The following ARHGEF4 variants were observed in gnomAD, a reference collection of about 807,000 sequenced individuals.
The protein encoded by ARHGEF4 is APC-stimulated guanine nucleotide exchange factor 1.
A neutral mutation model predicts 162.0 loss-of-function variants in ARHGEF4; 119 were observed. The observed-to-expected ratio is 0.73, with a 90% CI of 0.63 to 0.86. ARHGEF4 has a LOEUF of 0.86. Ranked by LOEUF, ARHGEF4 falls within the 40% of genes least tolerant of loss-of-function variation. The pLI is 0.00. For synonymous variants in ARHGEF4, 1,014 were observed against 979.9 expected (o/e 1.03, Z -0.65); for missense variants, 2,488 against 2,456.0 (o/e 1.01, Z -0.28).
chr2:130,920,550 C>T (rs555442280), intron 2 of ARHGEF4, among the ~76,000 whole-genome samples: 1 of 152,146 alleles, frequency 6.6e-6, no homozygotes, highest in South Asian at 2.1e-4. Flanking sequence ...CAGAAAGGTT[C>T]CCTCTGTCTG....
intron 4 of ARHGEF4, among the ~76,000 whole-genome samples, chr2:130,951,361 A>AT (rs1683947305): frequency 6.6e-6 from 1 of 152,174 alleles, no homozygotes; most frequent in African/African-American, 2.4e-5. Flanking sequence ...AAAGTTAGAG[A>AT]TATGTGACTC....
chr2:130,869,233 G>A (rs1229812328), intron 1 of ARHGEF4, among the ~76,000 whole-genome samples: 2 of 152,190 alleles, frequency 1.3e-5, no homozygotes, highest in African/African-American at 4.8e-5. Context: ...GTGGAGGCCT[G>A]CAGAGTGGTT....
At chr2:130,904,948 A>G (rs890230445) in intron 1 of ARHGEF4, among the ~76,000 whole-genome samples, 2 of 152,130 alleles carry the variant, frequency 1.3e-5, no homozygotes, top group Non-Finnish European at 2.9e-5. Flanking sequence ...GCGTGGTGGC[A>G]CTTGCCTGTA....
At chr2:130,877,159 T>A (rs1261704916) in intron 1 of ARHGEF4, among the ~76,000 whole-genome samples, 1 of 151,920 alleles carries the variant, frequency 6.6e-6, no homozygotes, top group Non-Finnish European at 1.5e-5. Context: ...GCTCCCAGGG[T>A]AAGGGGGACG....
chr2:130,901,598 G>T (rs1280580300), intron 1 of ARHGEF4, among the ~76,000 whole-genome samples: 3 of 151,384 alleles, frequency 2.0e-5, no homozygotes, highest in African/African-American at 7.3e-5. Context: ...TCAGCTCACT[G>T]CAACCTCTGC....
intron 1 of ARHGEF4, among the ~76,000 whole-genome samples, chr2:130,899,742 G>C (rs572305235): frequency 2.0e-5 from 3 of 152,282 alleles, no homozygotes; most frequent in African/African-American, 7.2e-5. Flanking sequence ...AGAAGCAGCA[G>C]TGGGACAGAG....
At chr2:130,960,036 T>C (rs1309732212) in intron 4 of ARHGEF4, among the ~76,000 whole-genome samples, 9 of 152,210 alleles carry the variant, frequency 5.9e-5, no homozygotes, top group Admixed American at 2.6e-4. Context: ...AATTCATACA[T>C]ACATAATCAC....
chr2:130,893,944 G>A (rs1421753553), intron 1 of ARHGEF4, among the ~76,000 whole-genome samples: 1 of 152,242 alleles, frequency 6.6e-6, no homozygotes, highest in Non-Finnish European at 1.5e-5. Context: ...TTGGAGTTGA[G>A]ATTGTCCTAT....
At position 131,040,168 on chromosome 2, in the gene ARHGEF4, C is replaced by T; in HGVS notation, c.4458C>T (p.Ile1486=). The T allele has an allele frequency of 6.2e-7, 1 of 1,611,624 alleles. No individual in the cohort carries two copies. The highest frequency in any genetic ancestry group is 8.5e-7 in the Non-Finnish European group (1 of 1,178,496). ...NEILSTERDY[I]KHLRDICEGY... ...TCCTCAGCACTGAGCGGGACTACAT[C>T]AAGCACCTGCGCGACATCTGCGAGG... The change falls in exon 7 of 14, where the codon ATC becomes ATT. Residue 1486 remains isoleucine, a synonymous_variant. Coordinates refer to ENST00000409359, the MANE Select transcript of ARHGEF4 (RefSeq NM_001367493.1).
intron 4 of ARHGEF4, among the ~76,000 whole-genome samples, chr2:130,974,601 C>G (rs1417569033): frequency 7.0e-6 from 1 of 143,428 alleles, no homozygotes; most frequent in Non-Finnish European, 1.5e-5. Context: ...TAGGCACACG[C>G]CACCACACCC....
chr2:131,040,901 G>C (rs1296494668), intron 8 of ARHGEF4, among the ~76,000 whole-genome samples: 2 of 151,988 alleles, frequency 1.3e-5, no homozygotes, highest in South Asian at 2.1e-4. Context: ...TTGGGCAGTC[G>C]AGCGAGGGTG....
intron 4 of ARHGEF4, among the ~76,000 whole-genome samples, chr2:131,019,034 G>GC (rs925771564): frequency 3.3e-5 from 5 of 151,902 alleles, no homozygotes; most frequent in Non-Finnish European, 5.9e-5. Context: ...CTCCAACTTT[G>GC]TTTTTTTCAA....
At chr2:130,953,848 A>G (rs528564565) in intron 4 of ARHGEF4, among the ~76,000 whole-genome samples, 53 of 152,364 alleles carry the variant, frequency 3.5e-4, no homozygotes, top group Middle Eastern at 3.4e-3. Context: ...CAAAACCACA[A>G]TGAGATACCA....
chr2:131,027,926 C>T lies in ARHGEF4; in HGVS notation c.3986-19C>T. 1 of 1,613,198 alleles carries T rather than the reference C, an allele frequency of 6.2e-7. No homozygotes were observed. The highest frequency in any genetic ancestry group is 8.5e-7 in the Non-Finnish European group (1 of 1,179,810). On this transcript the variant is annotated intron_variant, in intron 4 of 13. Transcript: ENST00000409359. ...TCCCAGCCCAGCCCCCTTTGCCCAG[C>T]TGCTGTCTCTCCTTCCAGCCATGCC...
intron 1 of ARHGEF4, among the ~76,000 whole-genome samples, chr2:130,881,675 G>A (rs1016249378): frequency 1.3e-5 from 2 of 152,094 alleles, no homozygotes. Flanking sequence ...AATGCTTCGG[G>A]AGATGTAAGG....
In ARHGEF4 at chr2:130,915,140, C is replaced by T. The variant is rs1049041242; in HGVS notation, c.1194C>T (p.Pro398=). The T allele has an allele frequency of 2.6e-6, 4 of 1,550,542 alleles. No individual in the cohort carries two copies. The highest frequency in any genetic ancestry group is 3.5e-6 in the Non-Finnish European group (4 of 1,147,036). ...GPIPAFQSGA[P]HLQGPCKPGG... ...TTCCTGCTTTTCAGAGTGGGGCTCC[C>T]CATCTGCAGGGTCCCTGCAAGCCTG... is the stretch of plus-strand genomic sequence containing the variant. Residue 398 remains proline (P), a synonymous_variant, in exon 2 of 14, where the codon CCC becomes CCT. Coordinates refer to ENST00000409359, the MANE Select transcript of ARHGEF4 (RefSeq NM_001367493.1).
In ARHGEF4 at chr2:131,040,366, G is replaced by A. The variant is rs759020167; in HGVS notation, c.4588G>A (p.Val1530Met). Residue 1530 changes from valine to methionine, a missense_variant, in exon 8 of 14, where the codon GTG (valine) becomes ATG (methionine). Transcript: ENST00000409359. ...EDIYRCQKAF[V>M]KALEQRFNRE... The stretch of plus-strand genomic sequence containing the variant: ...CATCTACCGCTGCCAGAAGGCCTTC[G>A]TGAAGGCCCTGGAGCAGAGGTTCAA... The A allele has an allele frequency of 2.5e-6, 4 of 1,611,024 alleles. No homozygotes were observed. The highest frequency in any genetic ancestry group is 1.3e-5 in the African/African-American group (1 of 74,890).
chr2:131,002,709 C>CAAAAAAAA (rs66979991), intron 4 of ARHGEF4, among the ~76,000 whole-genome samples: 1 of 53,244 alleles, frequency 1.9e-5, no homozygotes, highest in Non-Finnish European at 3.1e-5. Context: ...GACTCCGTCT[C>CAAAAAAAA]AAAAAAAAAA....
chr2:130,993,837 A>C (rs1390033902), intron 4 of ARHGEF4, among the ~76,000 whole-genome samples: 2 of 152,024 alleles, frequency 1.3e-5, no homozygotes, highest in South Asian at 4.1e-4. Context: ...GCTGGAGTGC[A>C]ATGGTGTGAT....
Sources: gnomAD v4.1 joint callset for allele counts (sites outside exome capture counted in the v4.1 genomes callset) on GRCh38, gnomAD v4.1.1 for gene constraint, MANE v1.5 for transcripts, NCBI Gene and HGNC (gene_info 2026-07-23, HGNC 2026-07-21) for gene names.